DCLK2: variants seen among roughly 807,000 people sequenced by gnomAD.
The protein encoded by DCLK2 is serine/threonine-protein kinase DCLK2.
A neutral mutation model predicts 78.4 loss-of-function variants in DCLK2; 31 were observed. That is an observed-to-expected ratio of 0.40 (90% CI 0.30 to 0.53). DCLK2 has a LOEUF of 0.53. Among genes scored for constraint, DCLK2 ranks in the 20% least tolerant of loss-of-function variants. The pLI, the probability that DCLK2 is intolerant of heterozygous loss-of-function variation, is 0.61. For missense variants in DCLK2, 872 were observed against 973.7 expected, an observed-to-expected ratio of 0.90 and a Z score of 1.39; for synonymous variants, 407 against 374.9, an observed-to-expected ratio of 1.09 and a Z score of -0.99.
intron 10 of DCLK2, among the ~76,000 whole-genome samples, chr4:150,234,182 A>G (rs947498749): frequency 1.3e-5 from 2 of 152,168 alleles, no homozygotes; most frequent in African/African-American, 2.4e-5. Context: ...GTGGTAAACC[A>G]TTCATCTTGT....
At chr4:150,186,386 A>G (rs1737937558) in intron 2 of DCLK2, among the ~76,000 whole-genome samples, 1 of 152,222 alleles carries the variant, frequency 6.6e-6, no homozygotes, top group Non-Finnish European at 1.5e-5. Flanking sequence ...CCAAACAGAT[A>G]TTTTAAAGGT....
intron 5 of DCLK2, among the ~76,000 whole-genome samples, chr4:150,213,313 G>A (rs1039121861): frequency 1.1e-4 from 17 of 152,200 alleles, no homozygotes; most frequent in African/African-American, 4.1e-4. Context: ...AGTCTTAAGT[G>A]CCACTGTTTT....
chr4:150,233,195 A>G (rs1742218305), intron 10 of DCLK2, among the ~76,000 whole-genome samples: 1 of 152,176 alleles, frequency 6.6e-6, no homozygotes, highest in Admixed American at 6.5e-5. Context: ...ACATGGTGGC[A>G]GGAGAGAAAG....
intron 8 of DCLK2, among the ~76,000 whole-genome samples, chr4:150,228,299 G>A (rs901993656): frequency 5.9e-5 from 9 of 152,306 alleles, no homozygotes; most frequent in South Asian, 4.1e-4. Context: ...AGTCTGTTGC[G>A]TATATTTATC....
intron 2 of DCLK2, among the ~76,000 whole-genome samples, chr4:150,129,049 T>TC (rs1404545308): frequency 6.6e-6 from 1 of 152,166 alleles, no homozygotes; most frequent in Admixed American, 6.5e-5. Context: ...CACTAGCATA[T>TC]ACCTGACATA....
chr4:150,211,887 A>T (rs1181694392), intron 5 of DCLK2, among the ~76,000 whole-genome samples: 3 of 152,178 alleles, frequency 2.0e-5, no homozygotes, highest in Non-Finnish European at 4.4e-5. Context: ...TCCCATAGGA[A>T]TATTTGCTAT....
intron 3 of DCLK2, 97 bp downstream of exon 3, chr4:150,193,337 C>T: frequency 1.4e-6 from 1 of 692,366 alleles, no homozygotes; most frequent in Non-Finnish European, 2.4e-6. Flanking sequence ...GTTAAGAAGT[C>T]TGACATGTTG....
chr4:150,102,872 G>T, intron 2 of DCLK2, 60 bp downstream of exon 2: 3 of 1,455,626 alleles, frequency 2.1e-6, no homozygotes, highest in Middle Eastern at 1.9e-4. Context: ...TGCCATGGTG[G>T]CTACATAGTC....
chr4:150,103,013 A>G (rs114213959), intron 2 of DCLK2, among the ~76,000 whole-genome samples: 496 of 152,238 alleles, frequency 3.3e-3, no homozygotes, highest in Non-Finnish European at 6.0e-3. Flanking sequence ...TAAGCGACTT[A>G]AGTACCTCAA....
At position 150,232,774 on chromosome 4, in the gene DCLK2, G is replaced by T. The variant is rs892895058; in HGVS notation, c.1512G>T (p.Arg504Ser). The change falls in exon 10 of 16, where the codon AGG becomes AGT. Residue 504 changes from arginine to serine, a missense_variant. Around this residue, in one of 3 missense-constraint regions of DCLK2, gnomAD observed 86 missense variants for 150.3 expected, o/e 0.57. Coordinates refer to ENST00000296550, the MANE Select transcript of DCLK2 (RefSeq NM_001040260.4). ...AMVYNLANAL[R>S]YLHGLSIVHR... ...TGTACAACTTAGCCAATGCCCTCAGGTATCTCCATGGCCTCAGCATCGTGC... is the reference window on the plus strand; with the variant it reads ...TGTACAACTTAGCCAATGCCCTCAGTTATCTCCATGGCCTCAGCATCGTGC... The T allele has an allele frequency of 2.5e-6, 4 of 1,613,974 alleles. No individual in the cohort carries two copies. The African/African-American group carries it at 4.0e-5, about 16-fold the overall frequency.
intron 2 of DCLK2, among the ~76,000 whole-genome samples, chr4:150,169,845 T>G (rs536136741): frequency 8.3e-4 from 127 of 152,288 alleles, no homozygotes; most frequent in African/African-American, 2.9e-3. Flanking sequence ...GTTACAAAAG[T>G]ATACAGTACA....
intron 2 of DCLK2, among the ~76,000 whole-genome samples, chr4:150,186,508 A>G (rs1043383992): frequency 3.3e-5 from 5 of 152,168 alleles, no homozygotes; most frequent in Non-Finnish European, 5.9e-5. Flanking sequence ...AACTGAAATT[A>G]TTAGTTGTCT....
intron 1 of DCLK2, among the ~76,000 whole-genome samples, chr4:150,091,769 ATG>A (rs57146406): frequency 0.04 from 4,652 of 117,000 alleles, 131 homozygotes; most frequent in Admixed American, 0.096. Context: ...AGGAACATTT[ATG>A]TGTGTGTGTG....
chr4:150,213,331 C>T (rs1004372315), intron 5 of DCLK2, among the ~76,000 whole-genome samples: 8 of 152,212 alleles, frequency 5.3e-5, no homozygotes, highest in Non-Finnish European at 1.2e-4. Flanking sequence ...TTTTGCCAAA[C>T]GAAACCAAAT....
chr4:150,102,279 G>A (rs559254482), intron 1 of DCLK2, among the ~76,000 whole-genome samples, 199 bp from the exon 2 acceptor site: 10 of 152,252 alleles, frequency 6.6e-5, no homozygotes, highest in Non-Finnish European at 7.4e-5. Context: ...TGTAATCCTT[G>A]TTATTCTCTC....
rs555825597 is a variant in DCLK2 at position 150,083,309 on chromosome 4, C to G, written c.421+3861C>G. ...AAAATAAAATGTCATTTTGTTATTT[C>G]TACCTTTTATCCCTTCATAAACAAT... is the stretch of plus-strand genomic sequence containing the variant. On this transcript the variant is annotated intron_variant, in intron 1 of 15. Coordinates refer to ENST00000296550, the MANE Select transcript of DCLK2 (RefSeq NM_001040260.4). Among the ~76,000 whole-genome samples the G allele has an allele frequency of 3.8e-4, 58 of 152,212 alleles. 1 individual carries two copies. The highest frequency in any genetic ancestry group is 5.0e-4 in the Non-Finnish European group (34 of 68,034).
intron 5 of DCLK2, among the ~76,000 whole-genome samples, chr4:150,213,728 A>T (rs1037948742): frequency 5.3e-5 from 8 of 152,210 alleles, no homozygotes; most frequent in African/African-American, 1.7e-4. Flanking sequence ...AATTACAGGA[A>T]TGTTACTCTA....
chr4:150,157,547 C>G (rs79694509), intron 2 of DCLK2, among the ~76,000 whole-genome samples: 1 of 145,604 alleles, frequency 6.9e-6, no homozygotes, highest in Non-Finnish European at 1.5e-5. Context: ...GAGTCTCTCT[C>G]TCTTGTTCAG....
chr4:150,175,054 A>T lies in DCLK2; in HGVS notation c.757-18084A>T, dbSNP rs1244431957. On this transcript the variant is annotated intron_variant, in intron 2 of 15. Coordinates refer to ENST00000296550, the MANE Select transcript of DCLK2 (RefSeq NM_001040260.4). ...TATATTTATATATATTTATATATTT[A>T]TATATATATTTATATATATTTATAT... is the stretch of plus-strand genomic sequence containing the variant. Among the ~76,000 whole-genome samples the T allele has an allele frequency of 1.5e-3, 41 of 27,814 alleles. 8 individuals are homozygous for T. Among genetic ancestry groups the T allele is most frequent in the Non-Finnish European group, 3.1e-3 (39 of 12,782 alleles). The allele number at this position is 27,814 out of a possible 152,430, so 18.2% of individuals were successfully genotyped here.
Sources: allele counts gnomAD v4.1 joint callset (sites outside exome capture counted in the v4.1 genomes callset), GRCh38; gene constraint gnomAD v4.1.1; regional missense constraint gnomAD v4.1.1; transcripts MANE v1.5; gene names NCBI Gene and HGNC (gene_info 2026-07-23, HGNC 2026-07-21).